SHROOM3: variants seen among roughly 807,000 people sequenced by gnomAD.
SHROOM3 encodes shroom family member 3.
SHROOM3 carries 47 observed loss-of-function variants against 138.6 expected under a neutral mutation model. That is an observed-to-expected ratio of 0.34 (90% CI 0.27 to 0.43). The LOEUF is 0.43. Among genes scored for constraint, SHROOM3 ranks in the 20% least tolerant of loss-of-function variants. The pLI is 1.00. For synonymous variants in SHROOM3, 1,062 were observed against 1,063.3 expected (o/e 1.00, Z 0.02); for missense variants, 2,491 against 2,596.5 (o/e 0.96, Z 0.88).
At chr4:76,748,603 A>G (rs1267654402) in intron 5 of SHROOM3, among the ~76,000 whole-genome samples, 12 of 152,208 alleles carry the variant, frequency 7.9e-5, no homozygotes, top group Admixed American at 2.6e-4. Flanking sequence ...GCAAAATGTA[A>G]TAGACTGTCC....
chr4:76,772,196 C>T (rs1032796615), intron 10 of SHROOM3, among the ~76,000 whole-genome samples: 3 of 151,066 alleles, frequency 2.0e-5, no homozygotes, highest in Non-Finnish European at 1.5e-5. Flanking sequence ...CTCTGGCTCC[C>T]GTATTCATGC....
intron 1 of SHROOM3, among the ~76,000 whole-genome samples, chr4:76,451,420 C>T (rs374482062): frequency 6.6e-4 from 101 of 152,248 alleles, no homozygotes; most frequent in African/African-American, 2.3e-3. Context: ...GGCACAACAA[C>T]GTATATTCTT....
chr4:76,500,772 C>A lies in SHROOM3; in HGVS notation c.169-54837C>A, dbSNP rs577957713. Among the ~76,000 whole-genome samples, 24 of 148,362 alleles carry A rather than the reference C, an allele frequency of 1.6e-4. 1 individual carries two copies. The South Asian group carries it at 5.0e-3, about 31-fold the overall frequency. ...AATATCTTTGGTAAAGTATCTAAAT[C>A]TTTTACCCTTTTTCTTTTCTCTTTC... On this transcript the variant is annotated intron_variant, in intron 1 of 10. Coordinates refer to ENST00000296043, the MANE Select transcript of SHROOM3 (RefSeq NM_020859.4).
chr4:76,540,180 T>G (rs1733070052), intron 1 of SHROOM3, among the ~76,000 whole-genome samples: 1 of 152,206 alleles, frequency 6.6e-6, no homozygotes, highest in Non-Finnish European at 1.5e-5. Flanking sequence ...ATGGAAAATG[T>G]TGGTAGCTCA....
At chr4:76,697,733 A>T (rs1042100154) in intron 2 of SHROOM3, among the ~76,000 whole-genome samples, 2 of 152,228 alleles carry the variant, frequency 1.3e-5, no homozygotes, top group African/African-American at 4.8e-5. Flanking sequence ...TACAGCCAGC[A>T]CAGGTGCCAA....
In SHROOM3 at chr4:76,470,993, G is replaced by T. The variant is rs558612689; in HGVS notation, c.168+34773G>T. Among the ~76,000 whole-genome samples, 72 of 151,784 alleles carry T rather than the reference G, an allele frequency of 4.7e-4. No individual in the cohort carries two copies. The South Asian group carries it at 8.8e-3, about 18-fold the overall frequency. On this transcript the variant is annotated intron_variant, in intron 1 of 10. Coordinates refer to ENST00000296043, the MANE Select transcript of SHROOM3 (RefSeq NM_020859.4). ...TTAAAAGCTGGTACAAAAATTAGGG[G>T]GTGTGTGTGTGTGAGAGAGAGAGAT...
intron 1 of SHROOM3, among the ~76,000 whole-genome samples, chr4:76,520,262 G>A (rs1348038841): frequency 1.3e-5 from 2 of 152,158 alleles, no homozygotes; most frequent in African/African-American, 4.8e-5. Context: ...CCTCTTGGCA[G>A]CATTTCAAGA....
chr4:76,575,276 T>C (rs563846253), intron 2 of SHROOM3, among the ~76,000 whole-genome samples: 2 of 152,294 alleles, frequency 1.3e-5, no homozygotes, highest in South Asian at 4.1e-4. Context: ...ATTGAAAGCC[T>C]TTCCTCTAAG....
chr4:76,754,507 C>T lies in SHROOM3; in HGVS notation c.4024C>T (p.Leu1342=), dbSNP rs1254373769. The stretch of plus-strand genomic sequence containing the variant: ...GCCACCACTGGCAGGAACGCAAGGG[C>T]TGGTCACAGACACCAGGGCTGCACC... The part of the protein sequence containing the change: ...PRPPLAGTQG[L]VTDTRAAPLT... Residue 1342 remains leucine, a synonymous_variant, in exon 7 of 11, where the codon CTG becomes TTG. Coordinates refer to ENST00000296043, the MANE Select transcript of SHROOM3 (RefSeq NM_020859.4). 5 of 1,614,034 alleles carry T rather than the reference C, an allele frequency of 3.1e-6. No homozygotes were observed. The East Asian group carries it at 8.9e-5, about 29-fold the overall frequency.
chr4:76,610,828 G>A (rs1418690669), intron 2 of SHROOM3, among the ~76,000 whole-genome samples: 3 of 152,162 alleles, frequency 2.0e-5, no homozygotes, highest in Non-Finnish European at 4.4e-5. Flanking sequence ...CAGGGATTTC[G>A]TGTGCAGGTT....
At chr4:76,601,982 C>T (rs776290555) in intron 2 of SHROOM3, among the ~76,000 whole-genome samples, 14 of 152,222 alleles carry the variant, frequency 9.2e-5, no homozygotes, top group Non-Finnish European at 2.1e-4. Context: ...ATTGGTTCAG[C>T]ACTCTGTGGA....
chr4:76,508,223 C>A (rs190946740), intron 1 of SHROOM3, among the ~76,000 whole-genome samples: 14 of 152,070 alleles, frequency 9.2e-5, no homozygotes, highest in Non-Finnish European at 1.3e-4. Flanking sequence ...GATATTTTAA[C>A]TTTTTGTCTA....
chr4:76,591,598 A>G (rs1734273818), intron 2 of SHROOM3, among the ~76,000 whole-genome samples: 1 of 152,162 alleles, frequency 6.6e-6, no homozygotes, highest in Non-Finnish European at 1.5e-5. Context: ...CTACTTATAT[A>G]TTATTCAGAT....
chr4:76,686,013 CA>C lies in SHROOM3; in HGVS notation c.324-24142del, dbSNP rs1323265575. On this transcript the variant is annotated intron_variant, in intron 2 of 10. Transcript: ENST00000296043. ...AAGTATAGAAGTAAGTAATGATAGC[CA>C]TTTTTTTTTTAGAGGCAGCGTCTTG... Among the ~76,000 whole-genome samples the C allele has an allele frequency of 4.5e-3, 679 of 151,656 alleles. 3 individuals are homozygous for C. The highest frequency in any genetic ancestry group is 0.01 in the African/African-American group (420 of 41,344).
chr4:76,709,942 G>T, intron 2 of SHROOM3: 1 of 548,040 alleles, frequency 1.8e-6, no homozygotes, highest in South Asian at 2.1e-5. Context: ...GAGGAACATG[G>T]ATAAAAAAGG....
intron 1 of SHROOM3, among the ~76,000 whole-genome samples, chr4:76,502,669 T>C (rs1732123785): frequency 6.6e-6 from 1 of 152,244 alleles, no homozygotes; most frequent in South Asian, 2.1e-4. Context: ...TTTACCTATA[T>C]CCTTACATGG....
At chr4:76,577,931 G>T (rs1308850582) in intron 2 of SHROOM3, among the ~76,000 whole-genome samples, 1 of 152,102 alleles carries the variant, frequency 6.6e-6, no homozygotes, top group Non-Finnish European at 1.5e-5. Flanking sequence ...AAAAGATAGT[G>T]ATATATTTTC....
At chr4:76,620,218 G>A (rs1420846449) in intron 2 of SHROOM3, among the ~76,000 whole-genome samples, 8 of 152,126 alleles carry the variant, frequency 5.3e-5, no homozygotes, top group African/African-American at 1.9e-4. Context: ...GACAGTCTGG[G>A]ACTTTTTTGT....
intron 5 of SHROOM3, among the ~76,000 whole-genome samples, chr4:76,744,790 G>C (rs562237730): frequency 1.3e-5 from 2 of 152,324 alleles, no homozygotes; most frequent in Admixed American, 6.5e-5. Flanking sequence ...AACAAATGTT[G>C]CTTGCTCTTA....
Sources: gnomAD v4.1 joint callset for allele counts (sites outside exome capture counted in the v4.1 genomes callset) on GRCh38, gnomAD v4.1.1 for gene constraint, MANE v1.5 for transcripts, NCBI Gene and HGNC (gene_info 2026-07-23, HGNC 2026-07-21) for gene names.